LRRC7: variants seen among roughly 807,000 people sequenced by gnomAD.
The protein encoded by LRRC7 is leucine-rich repeat-containing protein 7.
Under a neutral mutation model 175.7 loss-of-function variants are expected in LRRC7, and 23 were observed. That is an observed-to-expected ratio of 0.13 (90% CI 0.09 to 0.19). The LOEUF (loss-of-function observed/expected upper bound fraction) is 0.19. Among genes scored for constraint, LRRC7 ranks in the 10% least tolerant of loss-of-function variants. LRRC7 has a pLI of 1.00. For missense variants in LRRC7, 1,354 were observed against 1,904.7 expected, an observed-to-expected ratio of 0.71 and a Z score of 5.38; for synonymous variants, 685 against 680.9, an observed-to-expected ratio of 1.01 and a Z score of -0.09.
intron 1 of LRRC7, among the ~76,000 whole-genome samples, chr1:69,614,719 C>CA (rs1049912235): frequency 6.6e-6 from 1 of 151,976 alleles, no homozygotes; most frequent in African/African-American, 2.4e-5. Context: ...TTGAGGAATA[C>CA]AAAAATTTAA....
intron 26 of LRRC7, among the ~76,000 whole-genome samples, chr1:70,112,907 G>A (rs1571355925): frequency 6.6e-6 from 1 of 152,070 alleles, no homozygotes; most frequent in East Asian, 1.9e-4. Flanking sequence ...ATAAAGGAGA[G>A]AATATTGGAG....
chr1:69,888,808 G>A (rs1162366948), intron 7 of LRRC7, among the ~76,000 whole-genome samples: 1 of 152,070 alleles, frequency 6.6e-6, no homozygotes, highest in African/African-American at 2.4e-5. Context: ...GCCCAAAGGA[G>A]ACAAACTTGC....
chr1:70,087,602 T>G (rs1311675770), intron 24 of LRRC7, among the ~76,000 whole-genome samples: 1 of 152,122 alleles, frequency 6.6e-6, no homozygotes. Context: ...AGGATCAATA[T>G]AAAAATACAA....
At chr1:70,108,254 A>G (rs1364406896) in intron 26 of LRRC7, among the ~76,000 whole-genome samples, 1 of 152,058 alleles carries the variant, frequency 6.6e-6, no homozygotes, top group Non-Finnish European at 1.5e-5. Flanking sequence ...TATGAAATAT[A>G]TAATACATCA....
At chr1:69,720,901 A>C (rs546029113) in intron 2 of LRRC7, among the ~76,000 whole-genome samples, 2 of 151,932 alleles carry the variant, frequency 1.3e-5, no homozygotes, top group Admixed American at 1.3e-4. Context: ...TGTACAGTTC[A>C]GTGACATTAA....
rs1186106458 is a variant in LRRC7 at position 70,141,989 on chromosome 1, C to T, written c.*20102C>T. ...AATCACATTGTATTTCTTTGTATCT[C>T]TCCATTCCTCTTACCCTTCCCCAAC... On this transcript the variant is annotated 3_prime_UTR_variant, in exon 27 of 27. Transcript: ENST00000651989. The T allele has an allele frequency of 1.3e-5, 2 of 152,018 alleles. No homozygotes were observed. Among genetic ancestry groups the T allele is most frequent in the African/African-American group, 4.8e-5 (2 of 41,406 alleles). The allele number at this position is 152,018 out of a possible 1,614,324, so 9.4% of individuals were successfully genotyped here. A position where few individuals can be genotyped will look rare whatever the true frequency, so the allele number is the denominator to read the frequency against.
chr1:69,732,643 C>G (rs1008943042), intron 2 of LRRC7, among the ~76,000 whole-genome samples: 5 of 151,856 alleles, frequency 3.3e-5, no homozygotes, highest in African/African-American at 1.2e-4. Flanking sequence ...CTGAAGAAAA[C>G]AGAATTCTTC....
At chr1:69,870,968 A>G (rs906873908) in intron 7 of LRRC7, among the ~76,000 whole-genome samples, 3 of 152,164 alleles carry the variant, frequency 2.0e-5, no homozygotes, top group East Asian at 3.8e-4. Flanking sequence ...GCCAACAATT[A>G]TATGATGTAA....
At chr1:70,046,277 T>C (rs1318447812) in intron 22 of LRRC7, among the ~76,000 whole-genome samples, 1 of 152,168 alleles carries the variant, frequency 6.6e-6, no homozygotes, top group Non-Finnish European at 1.5e-5. Flanking sequence ...ATTAGCATAT[T>C]AATTTCCTGA....
At chr1:69,853,113 A>G (rs1378326945) in intron 7 of LRRC7, among the ~76,000 whole-genome samples, 1 of 152,092 alleles carries the variant, frequency 6.6e-6, no homozygotes, top group African/African-American at 2.4e-5. Context: ...TGATATTGTG[A>G]GAAAAAAACT....
At chr1:69,589,169 TGAGA>T (rs1447422134) in intron 1 of LRRC7, among the ~76,000 whole-genome samples, 8 of 151,092 alleles carry the variant, frequency 5.3e-5, no homozygotes, top group Admixed American at 3.3e-4. Context: ...TGTGTGTGTG[TGAGA>T]GAGAGAGACA....
intron 23 of LRRC7, among the ~76,000 whole-genome samples, chr1:70,065,246 T>C (rs1258725473): frequency 1.3e-5 from 2 of 152,004 alleles, no homozygotes; most frequent in South Asian, 2.1e-4. Context: ...ACTAAGATCT[T>C]GTCTTTTGTT....
At chr1:70,014,764 C>T (rs1256105548) in intron 13 of LRRC7, among the ~76,000 whole-genome samples, 2 of 151,932 alleles carry the variant, frequency 1.3e-5, no homozygotes, top group Non-Finnish European at 2.9e-5. Flanking sequence ...ATTCCTCTGC[C>T]TTGTCAGCTG....
intron 2 of LRRC7, among the ~76,000 whole-genome samples, chr1:69,717,426 A>G (rs1037866389): frequency 2.6e-5 from 4 of 151,810 alleles, no homozygotes; most frequent in Non-Finnish European, 1.5e-5. Context: ...ATATATTTAT[A>G]CAATTGGAAC....
chr1:70,030,442 A>T (rs1244690946), intron 18 of LRRC7, among the ~76,000 whole-genome samples: 1 of 152,158 alleles, frequency 6.6e-6, no homozygotes, highest in East Asian at 1.9e-4. Flanking sequence ...TCCTACAGCA[A>T]AGAGGAACTG....
chr1:69,661,266 A>T (rs1301205055), intron 1 of LRRC7, among the ~76,000 whole-genome samples: 1 of 152,150 alleles, frequency 6.6e-6, no homozygotes, highest in Non-Finnish European at 1.5e-5. Flanking sequence ...GCAAATAAAA[A>T]TTTAATTTTT....
chr1:69,702,134 G>A (rs1391290077), intron 2 of LRRC7, among the ~76,000 whole-genome samples: 1 of 152,160 alleles, frequency 6.6e-6, no homozygotes, highest in Non-Finnish European at 1.5e-5. Context: ...AAAAATATAT[G>A]TGACATTTGT....
At chr1:69,676,068 A>T (rs1397697100) in intron 1 of LRRC7, among the ~76,000 whole-genome samples, 1 of 151,550 alleles carries the variant, frequency 6.6e-6, no homozygotes, top group African/African-American at 2.4e-5. Context: ...TCTACATATG[A>T]ATAGACTGAT....
At chr1:70,078,816 A>G (rs868022804) in intron 24 of LRRC7, among the ~76,000 whole-genome samples, 1 of 129,122 alleles carries the variant, frequency 7.7e-6, no homozygotes, top group Non-Finnish European at 1.7e-5. Flanking sequence ...GCGCGCACAC[A>G]CACACACGCA....
Sources: allele counts gnomAD v4.1 joint callset (sites outside exome capture counted in the v4.1 genomes callset), GRCh38; gene constraint gnomAD v4.1.1; transcripts MANE v1.5; gene names NCBI Gene and HGNC (gene_info 2026-07-23, HGNC 2026-07-21).